The following CCDC136 variants were observed in gnomAD, a reference collection of about 807,000 sequenced individuals.
CCDC136 encodes the protein coiled-coil domain containing 136.
In CCDC136, 100 loss-of-function variants were observed where a neutral mutation model predicts 141.2. The ratio of observed to expected loss-of-function variants is 0.71; its 90% CI spans 0.60 to 0.84. The LOEUF (loss-of-function observed/expected upper bound fraction) is 0.84. Among genes scored for constraint, CCDC136 ranks in the 40% least tolerant of loss-of-function variants. The pLI is 0.00. For synonymous variants in CCDC136, 474 were observed against 531.9 expected (o/e 0.89, Z 1.50); for missense variants, 1,206 against 1,379.4 (o/e 0.87, Z 1.99).
Position 128,809,427 on chromosome 7 carries a change from TCCACACCCGCCCCCAC to T in CCDC136, c.1606-17_1606-2del. ...CTTACCTTACAGAGTAACCACCCCC[TCCACACCCGCCCCCAC>T]CCACAGTGTGACACACTGCTGTCCA... On this transcript the variant is annotated splice_region_variant and splice_polypyrimidine_tract_variant and intron_variant, in intron 10 of 17. Transcript: ENST00000297788. 1.0e-6 allele frequency: 1 copy of T among 991,886 alleles called. No individual in the cohort carries two copies. The highest frequency in any genetic ancestry group is 1.5e-6 in the Non-Finnish European group (1 of 665,306). The allele number at this position is 991,886 out of a possible 1,614,324, so 61.4% of individuals were successfully genotyped here. A position where few individuals can be genotyped will look rare whatever the true frequency, so the allele number is the denominator to read the frequency against.
rs1312032534 is a variant in CCDC136 at position 128,812,941 on chromosome 7, CAG to C, written c.2763+13_2763+14del. 1 of 1,571,050 alleles carries C rather than the reference CAG, an allele frequency of 6.4e-7. No homozygotes were observed. The highest frequency in any genetic ancestry group is 8.7e-7 in the Non-Finnish European group (1 of 1,152,468). On this transcript the variant is annotated intron_variant, in intron 14 of 17. Coordinates refer to ENST00000297788, the MANE Select transcript of CCDC136 (RefSeq NM_022742.5). ...ACGACAAGAATGAGGTAACCACTGT[CAG>C]GGAGGCAGGGTTTCCTCTGGCAGCC...
intron 10 of CCDC136, chr7:128,809,194 C>T (rs567896870): frequency 2.0e-3 from 808 of 408,620 alleles, no homozygotes; most frequent in Admixed American, 3.3e-3. Context: ...AAACTGCCCC[C>T]AGAAAGGAAT....
chr7:128,791,846 C>T (rs1320955601), upstream of CCDC136: 1 of 385,346 alleles, frequency 2.6e-6, no homozygotes, highest in Non-Finnish European at 4.4e-6. This position sits in a 1 kb window ranked among gnomAD's most constrained non-coding sequence, Gnocchi z 7.1. Context: ...TCCTGCAGCC[C>T]CGGAGACTCC....
chr7:128,807,512 C>T lies in CCDC136; in HGVS notation c.1572C>T (p.Pro524=), dbSNP rs1301786637. The T allele has an allele frequency of 2.7e-6, 4 of 1,497,472 alleles. No homozygotes were observed. Among genetic ancestry groups the T allele is most frequent in the African/African-American group, 2.8e-5 (2 of 70,450 alleles). The allele number at this position is 1,497,472 out of a possible 1,614,324, so 92.8% of individuals were successfully genotyped here. Residue 524 remains proline (P), a synonymous_variant, in exon 10 of 18, where the codon CCC becomes CCT. Transcript: ENST00000297788. The part of the protein sequence containing the change: ...LELKELKASH[P]IPEDKGKCAN... The stretch of plus-strand genomic sequence containing the variant: ...TGAAAGAGCTCAAGGCCTCCCACCC[C>T]ATTCCGGAGGACAAAGGAAAGTGTG...
At chr7:128,813,912 G>A (rs1806155165) in intron 14 of CCDC136, among the ~76,000 whole-genome samples, 2 of 152,108 alleles carry the variant, frequency 1.3e-5, no homozygotes, top group South Asian at 2.1e-4. Flanking sequence ...AATCCAGGAG[G>A]CGGAGGTTGC....
rs933062133 is a variant in CCDC136 at position 128,815,909 on chromosome 7, T to A, written c.3341T>A (p.Leu1114His). 6 of 1,612,140 alleles carry A rather than the reference T, an allele frequency of 3.7e-6. No homozygotes were observed. Among genetic ancestry groups the A allele is most frequent in the Non-Finnish European group, 5.1e-6 (6 of 1,178,922 alleles). Reference sequence around the variant, plus strand: ...GAAAGTCCCGAAGAAAATAACCCCCTCAGACTTTCCGAGAGCAAAAAGGTA... The same window carrying A: ...GAAAGTCCCGAAGAAAATAACCCCCACAGACTTTCCGAGAGCAAAAAGGTA... ...SLESPEENNP[L>H]RLSESKKSSP... is the part of the protein sequence containing the mutation. Residue 1114 changes from leucine (L) to histidine (H), a missense_variant, in exon 16 of 18, where the codon CTC becomes CAC. Transcript: ENST00000297788.
chr7:128,809,050 T>A, intron 10 of CCDC136: 2 of 834,716 alleles, frequency 2.4e-6, no homozygotes, highest in Non-Finnish European at 2.9e-6. Flanking sequence ...GTAGTTGCAT[T>A]AAAAAACAAC....
chr7:128,793,011 G>A (rs528413684), intron 1 of CCDC136, among the ~76,000 whole-genome samples: 9 of 152,266 alleles, frequency 5.9e-5, no homozygotes, highest in Non-Finnish European at 1.3e-4. Flanking sequence ...CCATTTGCCA[G>A]TACTTCCTGT....
At position 128,806,299 on chromosome 7, in the gene CCDC136, G is replaced by C. The variant is rs200864528; in HGVS notation, c.1152G>C (p.Glu384Asp). Residue 384 changes from glutamate to aspartate, a missense_variant, in exon 8 of 18, where the codon GAG becomes GAC. Physicochemically the swap from Glu to Asp is conservative, Grantham distance 45 (BLOSUM62 2). Transcript: ENST00000297788. ...LQKKYDTSQDEQNELLKMQLQ... is the reference protein window; with the variant it reads ...LQKKYDTSQDDQNELLKMQLQ... ...AAAAATATGATACTAGCCAGGATGA[G>C]CAGAACGAGCTCTTGAAGATGCAGC... 17 of 1,587,588 alleles carry C rather than the reference G, an allele frequency of 1.1e-5. No homozygotes were observed. Among genetic ancestry groups the C allele is most frequent in the Non-Finnish European group, 6.9e-6 (8 of 1,166,876 alleles).
Position 128,794,298 on chromosome 7 carries a change from CA to C in CCDC136, c.17-49del, listed in dbSNP as rs1562899994. 1 of 1,551,118 alleles carries C rather than the reference CA, an allele frequency of 6.4e-7. No individual in the cohort carries two copies. The highest frequency in any genetic ancestry group is 2.0e-5 in the Admixed American group (1 of 50,994). On this transcript the variant is annotated intron_variant, in intron 1 of 17. Coordinates refer to ENST00000297788, the MANE Select transcript of CCDC136 (RefSeq NM_022742.5). This position sits in a 1 kb window ranked among gnomAD's most constrained non-coding sequence, Gnocchi z 4.3. ...GAGTTTGAGGGCCCTGGAAGGACGG[CA>C]GAAAGGAAGTTGATGCTGACTCCTT...
In CCDC136 at chr7:128,805,511, G is replaced by T. The variant is rs1466893363; in HGVS notation, c.935G>T (p.Gly312Val). The T allele has an allele frequency of 6.2e-7, 1 of 1,610,080 alleles. No individual in the cohort carries two copies. The highest frequency in any genetic ancestry group is 8.5e-7 in the Non-Finnish European group (1 of 1,177,482). Residue 312 changes from glycine (G) to valine (V), a missense_variant, in exon 6 of 18, where the codon GGC (glycine) becomes GTC (valine). Physicochemically the swap from Gly to Val is moderately radical, Grantham distance 109. Coordinates refer to ENST00000297788, the MANE Select transcript of CCDC136 (RefSeq NM_022742.5). This position sits in a 1 kb window ranked among gnomAD's most constrained non-coding sequence, Gnocchi z 4.6. ...QLRDAEEQMH[G>V]MKNKCQELCC... ...CGGGATGCTGAAGAGCAGATGCATGGCATGAAGAACAAGGTAGGGCACAGA... is the reference window on the plus strand; with the variant it reads ...CGGGATGCTGAAGAGCAGATGCATGTCATGAAGAACAAGGTAGGGCACAGA...
At position 128,819,347 on chromosome 7, in the gene CCDC136, C is replaced by T. The variant is rs75510604; in HGVS notation, c.*5+1483C>T. 7.4e-3 allele frequency among the ~76,000 whole-genome samples: 1,133 copies of T among 152,316 alleles called. 10 individuals carry two copies. Among genetic ancestry groups the T allele is most frequent in the South Asian group, 0.031 (150 of 4,822 alleles). On this transcript the variant is annotated intron_variant, in intron 17 of 17. Transcript: ENST00000297788. ...TGTGGTAGAAAGCGTGGCTGCCAGG[C>T]GGTCAGAAGAACTTGGTTGAGTCTG...
Position 128,817,861 on chromosome 7 carries a change from G to A in CCDC136, c.*2G>A. 1 of 1,611,698 alleles carries A rather than the reference G, an allele frequency of 6.2e-7. No homozygotes were observed. Among genetic ancestry groups the A allele is most frequent in the Non-Finnish European group, 8.5e-7 (1 of 1,177,852 alleles). ...TGGTGGGCTGAGACGTCGTCCTAAT[G>A]CAGGTACTGGTATTGCTTCCTCTCC... On this transcript the variant is annotated 3_prime_UTR_variant, in exon 17 of 18. Transcript: ENST00000297788. The surrounding 1 kb of genome is among the most constrained non-coding windows in gnomAD (Gnocchi z 4.6).
chr7:128,806,763 C>T lies in CCDC136; in HGVS notation c.1324C>T (p.Arg442Trp), dbSNP rs751362296. 38 of 1,611,500 alleles carry T rather than the reference C, an allele frequency of 2.4e-5. 1 individual carries two copies. The South Asian group carries it at 2.6e-4, about 11-fold the overall frequency. The change falls in exon 9 of 18, where the codon CGG becomes TGG. Residue 442 changes from arginine to tryptophan, a missense_variant. Arg to Trp is a moderately radical substitution (Grantham distance 101). Transcript: ENST00000297788. ...VTCEKEKLLERQQQLQEELQC... is the reference protein window; with the variant it reads ...VTCEKEKLLEWQQQLQEELQC... ...ATGTGAGAAGGAAAAGCTGCTGGAA[C>T]GGCAGCAGCAGCTGCAGGAGGAGCT... is the stretch of plus-strand genomic sequence containing the variant.
At chr7:128,796,739 A>ATATATATATATATATATATATTTTT in intron 3 of CCDC136, among the ~76,000 whole-genome samples, 1 of 113,376 alleles carries the variant, frequency 8.8e-6, no homozygotes, top group African/African-American at 4.6e-5. Flanking sequence ...ATATATATAT[A>ATATATATATATATATATATATTTTT]TTCTTTTTTT....
At chr7:128,816,140 G>C (rs1426413068) in intron 16 of CCDC136, among the ~76,000 whole-genome samples, 1 of 152,254 alleles carries the variant, frequency 6.6e-6, no homozygotes, top group Admixed American at 6.5e-5. Context: ...CCCGTTTGCT[G>C]TGGAACCACC....
At chr7:128,818,187 G>A (rs924919105) in intron 17 of CCDC136, 8 of 299,410 alleles carry the variant, frequency 2.7e-5, no homozygotes, top group African/African-American at 1.3e-4. Flanking sequence ...CTTTATCCCC[G>A]CTCATCCTCT....
chr7:128,801,410 G>T lies in CCDC136; in HGVS notation c.571G>T (p.Asp191Tyr), dbSNP rs1395131775. ...TGAAGACATGGAACGCATTCGGGGA[G>T]ATTATGAGATGGAGATCGCCTCCCT... is the stretch of plus-strand genomic sequence containing the variant. ...ELEDMERIRG[D>Y]YEMEIASLRA... The change falls in exon 4 of 18, where the codon GAT (aspartate) becomes TAT (tyrosine). Residue 191 changes from aspartate (D) to tyrosine (Y), a missense_variant. Physicochemically the swap from Asp to Tyr is radical, Grantham distance 160 (BLOSUM62 -3). Transcript: ENST00000297788. 1.2e-5 allele frequency: 20 copies of T among 1,613,342 alleles called. No homozygotes were observed. In the Admixed American group the frequency reaches 1.5e-4, roughly 12 times the overall value.
intron 3 of CCDC136, among the ~76,000 whole-genome samples, chr7:128,800,859 A>G (rs952913478): frequency 6.6e-6 from 1 of 152,214 alleles, no homozygotes; most frequent in Non-Finnish European, 1.5e-5. Context: ...AGAAAATACT[A>G]TAAATGAAGT....
Sources: gnomAD v4.1 joint callset for allele counts (sites outside exome capture counted in the v4.1 genomes callset) on GRCh38, gnomAD v4.1.1 for gene constraint, Gnocchi (gnomAD v3.1) non-coding constraint, MANE v1.5 for transcripts, NCBI Gene and HGNC (gene_info 2026-07-23, HGNC 2026-07-21) for gene names.